NBEA: variants seen among roughly 807,000 people sequenced by gnomAD.
The protein encoded by NBEA is lysosomal-trafficking regulator 2.
In NBEA, 44 loss-of-function variants were observed where a neutral mutation model predicts 343.4. The observed-to-expected ratio is 0.13, with a 90% confidence interval of 0.10 to 0.16. NBEA has a LOEUF of 0.16. NBEA is among the 10% of genes least tolerant of loss of function. The pLI, the probability that NBEA is intolerant of heterozygous loss-of-function variation, is 1.00. For missense variants in NBEA, 2,555 were observed against 3,631.3 expected (o/e 0.70, Z 7.62); for synonymous variants, 1,175 against 1,238.7 (o/e 0.95, Z 1.08).
chr13:35,415,750 G>A (rs1251672625), intron 38 of NBEA, among the ~76,000 whole-genome samples: 1 of 152,094 alleles, frequency 6.6e-6, no homozygotes, highest in East Asian at 1.9e-4. Flanking sequence ...CTTTAAAGTA[G>A]TTTTTTCCAA....
chr13:35,372,816 G>A (rs1463792845), intron 38 of NBEA, among the ~76,000 whole-genome samples: 2 of 152,102 alleles, frequency 1.3e-5, no homozygotes, highest in Non-Finnish European at 2.9e-5. Flanking sequence ...GTGGGTGAGG[G>A]ATGTCAGTGG....
intron 1 of NBEA, among the ~76,000 whole-genome samples, chr13:35,005,325 G>A (rs2061282056): frequency 6.6e-6 from 1 of 151,658 alleles, no homozygotes; most frequent in Admixed American, 6.6e-5. Context: ...CAAAGCTTGT[G>A]GTTCCTTCTC....
chr13:35,395,224 A>G (rs2042688913), intron 38 of NBEA, among the ~76,000 whole-genome samples: 1 of 151,888 alleles, frequency 6.6e-6, no homozygotes, highest in South Asian at 2.1e-4. Flanking sequence ...GCCCAAATCT[A>G]ATGTTGAATT....
chr13:35,370,890 T>G (rs1300166119), intron 38 of NBEA, among the ~76,000 whole-genome samples: 1 of 131,734 alleles, frequency 7.6e-6, no homozygotes, highest in Non-Finnish European at 1.6e-5. Flanking sequence ...CTTTGCTGGG[T>G]AAAGTGTCCT....
chr13:34,947,513 T>C lies in NBEA; in HGVS notation c.294+4399T>C, dbSNP rs376626248. On this transcript the variant is annotated intron_variant, in intron 1 of 58. Transcript: ENST00000379939. Reference sequence around the variant, plus strand: ...CTGCATTTTTTTTTTAACTATATACTGAACATATTGTTATGCATTAGTTCC... The same window carrying C: ...CTGCATTTTTTTTTTAACTATATACCGAACATATTGTTATGCATTAGTTCC... Among the ~76,000 whole-genome samples, 179 of 152,272 alleles carry C rather than the reference T, an allele frequency of 1.2e-3. 2 individuals are homozygous for C. The highest frequency in any genetic ancestry group is 3.8e-3 in the African/African-American group (157 of 41,552).
chr13:35,217,161 C>A (rs1312600099), intron 33 of NBEA, among the ~76,000 whole-genome samples: 6 of 151,782 alleles, frequency 4.0e-5, no homozygotes, highest in African/African-American at 1.5e-4. Flanking sequence ...TGTTTATTTT[C>A]CATCAATATG....
chr13:35,335,656 A>C (rs9600529), intron 36 of NBEA, among the ~76,000 whole-genome samples: 5 of 152,104 alleles, frequency 3.3e-5, no homozygotes, highest in African/African-American at 1.2e-4. Context: ...CGTAAGTCAG[A>C]AAACATCTGT....
chr13:35,255,739 A>G (rs1014054307), intron 34 of NBEA, among the ~76,000 whole-genome samples: 1 of 152,220 alleles, frequency 6.6e-6, no homozygotes, highest in Non-Finnish European at 1.5e-5. Context: ...TGAGTCCTGC[A>G]GCTGTTCTCT....
chr13:35,482,720 A>T (rs962500496), intron 41 of NBEA, among the ~76,000 whole-genome samples: 3 of 151,122 alleles, frequency 2.0e-5, no homozygotes, highest in African/African-American at 7.3e-5. Flanking sequence ...TGTGAAATTT[A>T]TTTTTTTAAG....
intron 28 of NBEA, among the ~76,000 whole-genome samples, chr13:35,179,281 A>G (rs186852935): frequency 1.3e-5 from 2 of 151,754 alleles, no homozygotes; most frequent in East Asian, 1.9e-4. Context: ...CTTGATACAT[A>G]ATATAAACCC....
chr13:35,615,641 G>A (rs749198872), intron 48 of NBEA, among the ~76,000 whole-genome samples: 11 of 152,068 alleles, frequency 7.2e-5, no homozygotes, highest in Non-Finnish European at 1.2e-4. Flanking sequence ...CACCATGCTC[G>A]GCCCCATTGA....
intron 41 of NBEA, among the ~76,000 whole-genome samples, chr13:35,480,462 T>G (rs1214461812): frequency 2.0e-5 from 3 of 152,130 alleles, no homozygotes; most frequent in Admixed American, 6.5e-5. Context: ...ACATGTTAAG[T>G]GCTTATATAG....
intron 38 of NBEA, among the ~76,000 whole-genome samples, chr13:35,383,158 G>A (rs752463670): frequency 6.6e-6 from 1 of 152,106 alleles, no homozygotes; most frequent in Non-Finnish European, 1.5e-5. Flanking sequence ...GGCTTTAGTG[G>A]AGGTAAATCA....
intron 47 of NBEA, among the ~76,000 whole-genome samples, chr13:35,594,463 A>T (rs1255579255): frequency 6.6e-6 from 1 of 152,152 alleles, no homozygotes; most frequent in Non-Finnish European, 1.5e-5. Context: ...GTAGATTGTA[A>T]CATATCTGTG....
chr13:35,565,683 A>G (rs28430394), intron 44 of NBEA, among the ~76,000 whole-genome samples: 2 of 152,136 alleles, frequency 1.3e-5, no homozygotes, highest in African/African-American at 2.4e-5. Flanking sequence ...TTTAATAGCT[A>G]TTCTCTTAAT....
chr13:35,180,395 T>C (rs577289305), intron 28 of NBEA, among the ~76,000 whole-genome samples: 1 of 151,788 alleles, frequency 6.6e-6, no homozygotes, highest in Non-Finnish European at 1.5e-5. Context: ...TAAGTTTATC[T>C]AGGCTTTTTG....
intron 41 of NBEA, among the ~76,000 whole-genome samples, chr13:35,502,394 A>G (rs1221040501): frequency 6.6e-6 from 1 of 152,112 alleles, no homozygotes; most frequent in Non-Finnish European, 1.5e-5. Flanking sequence ...AAATAATTAT[A>G]ATTTCTAAGG....
intron 34 of NBEA, among the ~76,000 whole-genome samples, chr13:35,235,698 C>T (rs1465717208): frequency 2.6e-5 from 4 of 152,170 alleles, no homozygotes; most frequent in Non-Finnish European, 5.9e-5. Flanking sequence ...CAGAATCTTC[C>T]ATGACCACAC....
intron 36 of NBEA, among the ~76,000 whole-genome samples, chr13:35,347,540 T>TC (rs2039953484): frequency 6.6e-6 from 1 of 151,914 alleles, no homozygotes; most frequent in African/African-American, 2.4e-5. Context: ...ATATTATTTT[T>TC]TTTAATATGC....
Sources: gnomAD v4.1 joint callset for allele counts (sites outside exome capture counted in the v4.1 genomes callset) on GRCh38, gnomAD v4.1.1 for gene constraint, MANE v1.5 for transcripts, NCBI Gene and HGNC (gene_info 2026-07-23, HGNC 2026-07-21) for gene names.